Variants in GMEB2 observed in about 807,000 individuals in gnomAD.
The protein encoded by GMEB2 is glucocorticoid modulatory element binding protein 2.
Under a neutral mutation model 45.7 loss-of-function variants are expected in GMEB2, and 7 were observed. The observed-to-expected ratio is 0.15, with a 90% confidence interval of 0.09 to 0.29. GMEB2 has a LOEUF of 0.29. Ranked by LOEUF, GMEB2 falls within the 10% of genes least tolerant of loss-of-function variation. GMEB2 has a pLI of 1.00. For missense variants in GMEB2, 582 were observed against 739.2 expected (o/e 0.79, Z 2.47); for synonymous variants, 322 against 323.6 (o/e 1.00, Z 0.05).
chr20:63,597,914 G>T, intron 4 of GMEB2, 54 bp from the exon 5 acceptor site: 2 of 1,030,842 alleles, frequency 1.9e-6, no homozygotes, highest in South Asian at 1.3e-5. Flanking sequence ...CACATAGGGT[G>T]CCCCCATCTC....
chr20:63,604,679 T>G (rs2089504257), intron 3 of GMEB2, 64 bp downstream of exon 3: 1 of 886,958 alleles, frequency 1.1e-6, no homozygotes, highest in African/African-American at 1.6e-5. Context: ...TCATTTTGAG[T>G]GCAGGACTGT....
chr20:63,607,067 C>T (rs989308636), intron 2 of GMEB2, among the ~76,000 whole-genome samples: 7 of 150,050 alleles, frequency 4.7e-5, no homozygotes, highest in Non-Finnish European at 1.0e-4. Context: ...GCCCCTCTGA[C>T]CCACCTCCAT....
At position 63,592,206 on chromosome 20, in the gene GMEB2, G is replaced by C; in HGVS notation, c.830-62C>G. 1 of 1,528,808 alleles carries C rather than the reference G, an allele frequency of 6.5e-7. No individual in the cohort carries two copies. Among genetic ancestry groups the C allele is most frequent in the Non-Finnish European group, 8.9e-7 (1 of 1,122,296 alleles). 94.7% of individuals were successfully genotyped at this position (1,528,808 alleles called of 1,614,324 possible). ...GCCCTTCCTAGAGAGCCACGCGGAC[G>C]CTCGGTGAGAGCCCGGGACCTTCCT... is the stretch of plus-strand genomic sequence containing the variant. On this transcript the variant is annotated intron_variant, in intron 8 of 9. Transcript: ENST00000370077. This position sits in a 1 kb window ranked among gnomAD's most constrained non-coding sequence, Gnocchi z 8.2.
rs894074938 is a variant in GMEB2, at chr20:63,619,592, G to T, written c.-57-138C>A. On this transcript the variant is annotated intron_variant, in intron 1 of 9. Transcript: ENST00000370077. This position sits in a 1 kb window ranked among gnomAD's most constrained non-coding sequence, Gnocchi z 4.6. ...TGCTACCTCCTGACAAAAACGAGCG[G>T]CAACAGAAGGGCTACTCCAGGCTCT... 2 of 496,394 alleles carry T rather than the reference G, an allele frequency of 4.0e-6. No individual in the cohort carries two copies. Among genetic ancestry groups the T allele is most frequent in the African/African-American group, 2.0e-5 (1 of 50,510 alleles). 30.7% of individuals were successfully genotyped at this position (496,394 alleles called of 1,614,324 possible).
chr20:63,599,177 CCCGCTCCTGACCCCCCGGAGCTAACGTGG>C lies in GMEB2; in HGVS notation c.358-1346_358-1318del, dbSNP rs1226839045. ...TCCTGACCCTCCAGCGCTAACGCGG[CCCGCTCCTGACCCCCCGGAGCTAACGTGG>C]CCGCTCCTGACCCCCCGGAGCTAAC... On this transcript the variant is annotated intron_variant, in intron 4 of 9. Coordinates refer to ENST00000370077, the MANE Select transcript of GMEB2 (RefSeq NM_012384.5). 7.8e-3 allele frequency among the ~76,000 whole-genome samples: 1,183 copies of C among 150,760 alleles called. 16 individuals are homozygous for C. The highest frequency in any genetic ancestry group is 0.027 in the African/African-American group (1,098 of 40,556).
chr20:63,613,518 TTTC>T (rs1482467639), intron 2 of GMEB2, among the ~76,000 whole-genome samples: 4 of 122,368 alleles, frequency 3.3e-5, no homozygotes, highest in East Asian at 3.9e-4. Flanking sequence ...ACATTTTTGT[TTTC>T]TTTTTTTTTT....
chr20:63,604,690 C>G, intron 3 of GMEB2, 53 bp downstream of exon 3: 1 of 958,112 alleles, frequency 1.0e-6, no homozygotes, highest in Non-Finnish European at 1.7e-6. Flanking sequence ...GCAGGACTGT[C>G]CTGTCCCTGC....
At chr20:63,617,955 T>C (rs996485469) in intron 2 of GMEB2, among the ~76,000 whole-genome samples, 3 of 151,862 alleles carry the variant, frequency 2.0e-5, no homozygotes, top group Middle Eastern at 3.4e-3. Flanking sequence ...GAAAGCTACG[T>C]GGACTTCTCT....
intron 1 of GMEB2, among the ~76,000 whole-genome samples, chr20:63,624,274 A>C (rs972396526): frequency 6.6e-6 from 1 of 150,738 alleles, no homozygotes; most frequent in Non-Finnish European, 1.5e-5. Flanking sequence ...AAAAAAAAAA[A>C]ACAAATTGGC....
intron 6 of GMEB2, among the ~76,000 whole-genome samples, chr20:63,594,125 A>G (rs2083174699): frequency 6.6e-6 from 1 of 152,228 alleles, no homozygotes; most frequent in Non-Finnish European, 1.5e-5. Flanking sequence ...CATATTACAC[A>G]TCTGGAATTA....
intron 9 of GMEB2, 44 bp from the exon 10 acceptor site, chr20:63,590,773 G>C (rs2083140292): frequency 3.0e-6 from 4 of 1,314,332 alleles, no homozygotes; most frequent in Non-Finnish European, 4.1e-6. Flanking sequence ...ACGGGGGCAT[G>C]GATGGCGGCA....
At position 63,592,436 on chromosome 20, in the gene GMEB2, G is replaced by A. The variant is rs1385141241; in HGVS notation, c.829+97C>T. 1.3e-5 allele frequency: 12 copies of A among 929,384 alleles called. No homozygotes were observed. Among genetic ancestry groups the A allele is most frequent in the African/African-American group, 3.3e-5 (2 of 60,320 alleles). The allele number at this position is 929,384 out of a possible 1,614,324, so 57.6% of individuals were successfully genotyped here. A position where few individuals can be genotyped will look rare whatever the true frequency, so the allele number is the denominator to read the frequency against. ...CCTAGATTCAGCCTCCAACCCAGCA[G>A]CACAGAAGGGCCTAGGGGCAGGAGG... On this transcript the variant is annotated intron_variant, in intron 8 of 9. Transcript: ENST00000370077. This position sits in a 1 kb window ranked among gnomAD's most constrained non-coding sequence, Gnocchi z 8.2.
chr20:63,592,546 G>A lies in GMEB2; in HGVS notation c.816C>T (p.Pro272=). The A allele has an allele frequency of 6.2e-7, 1 of 1,611,226 alleles. No individual in the cohort carries two copies. The highest frequency in any genetic ancestry group is 8.5e-7 in the Non-Finnish European group (1 of 1,178,052). ...RGLQQRVQDP[P]LQLRDAVLLN... is the part of the protein sequence containing the mutation. ...GCAGCTTCTCACCTCGAAGCTGCAG[G>A]GGAGGGTCCTGGACCCGCTGCTGCA... Residue 272 remains proline (P), a synonymous_variant, in exon 8 of 10, where the codon CCC becomes CCT. Coordinates refer to ENST00000370077, the MANE Select transcript of GMEB2 (RefSeq NM_012384.5). This position sits in a 1 kb window ranked among gnomAD's most constrained non-coding sequence, Gnocchi z 8.2.
In GMEB2 at chr20:63,590,736, G is replaced by C; in HGVS notation, c.953-7C>G. On this transcript the variant is annotated splice_polypyrimidine_tract_variant and splice_region_variant and intron_variant, in intron 9 of 9. Coordinates refer to ENST00000370077, the MANE Select transcript of GMEB2 (RefSeq NM_012384.5). ...TCACACTGCTGCTCCAGGGCTGCAG[G>C]GAGGTACAGATGGCATCACACAGGG... 1.3e-6 allele frequency: 2 copies of C among 1,488,488 alleles called. No homozygotes were observed. The highest frequency in any genetic ancestry group is 2.7e-5 in the South Asian group (2 of 72,772). The allele number at this position is 1,488,488 out of a possible 1,614,324, so 92.2% of individuals were successfully genotyped here.
rs1413083032 is a variant in GMEB2 at position 63,595,698 on chromosome 20, G to A, written c.531C>T (p.Ser177=). The change falls in exon 6 of 10, where the codon AGC becomes AGT. Residue 177 remains serine, a synonymous_variant. Coordinates refer to ENST00000370077, the MANE Select transcript of GMEB2 (RefSeq NM_012384.5). ...HDKVCSNTCR[S]TKIDLSGARV... ...GGGCTCCTGAGAGGTCAATCTTTGT[G>A]CTGCGGCAGGTGTTGGAGCAGACCT... 1 of 1,613,748 alleles carries A rather than the reference G, an allele frequency of 6.2e-7. No individual in the cohort carries two copies. Among genetic ancestry groups the A allele is most frequent in the Admixed American group, 1.7e-5 (1 of 60,028 alleles).
intron 4 of GMEB2, among the ~76,000 whole-genome samples, 190 bp downstream of exon 4, chr20:63,602,759 ACAGCGGGAGGGCCTCC>A (rs1264221058): frequency 6.8e-6 from 1 of 147,020 alleles, no homozygotes; most frequent in Non-Finnish European, 1.5e-5. Flanking sequence ...CCTCCTCCAC[ACAGCGGGAGGGCCTCC>A]CAGCCTCCCT....
At chr20:63,614,431 G>C (rs1372617659) in intron 2 of GMEB2, among the ~76,000 whole-genome samples, 4 of 152,226 alleles carry the variant, frequency 2.6e-5, no homozygotes, top group South Asian at 4.1e-4. Flanking sequence ...CCAGCATCTG[G>C]GAAGACGCCC....
At chr20:63,603,202 A>G (rs1246680837) in intron 3 of GMEB2, 110 bp from the exon 4 acceptor site, 2 of 1,268,170 alleles carry the variant, frequency 1.6e-6, no homozygotes, top group Non-Finnish European at 2.2e-6. Context: ...GAAACCAAAA[A>G]TTAAAATCCA....
At position 63,589,233 on chromosome 20, in the gene GMEB2, G is replaced by C. The variant is rs970035700; in HGVS notation, c.*856C>G. The C allele has an allele frequency of 5.0e-6, 2 of 399,006 alleles. No individual in the cohort carries two copies. The highest frequency in any genetic ancestry group is 4.1e-5 in the African/African-American group (2 of 48,618). 24.7% of individuals were successfully genotyped at this position (399,006 alleles called of 1,614,324 possible). A position where few individuals can be genotyped will look rare whatever the true frequency, so the allele number is the denominator to read the frequency against. On this transcript the variant is annotated 3_prime_UTR_variant, in exon 10 of 10. Transcript: ENST00000370077. The stretch of plus-strand genomic sequence containing the variant: ...CTGGGAGGGGCCGGCTCAGGGACAG[G>C]CTGCCCAGGACCTCCGCACCCGGTC...
Sources: allele counts gnomAD v4.1 joint callset (sites outside exome capture counted in the v4.1 genomes callset), GRCh38; gene constraint gnomAD v4.1.1; non-coding constraint Gnocchi (gnomAD v3.1); transcripts MANE v1.5; gene names NCBI Gene and HGNC (gene_info 2026-07-23, HGNC 2026-07-21).